Variants in ST6GALNAC3 observed in about 807,000 individuals in gnomAD.
ST6GALNAC3 encodes ST6 N-acetylgalactosaminide alpha-2,6-sialyltransferase 3, also known as alpha-N-acetylgalactosaminide alpha-2,6-sialyltransferase 3.
A neutral mutation model predicts 32.7 loss-of-function variants in ST6GALNAC3; 25 were observed. That is an observed-to-expected ratio of 0.76 (90% CI 0.56 to 1.07). The LOEUF is 1.07. ST6GALNAC3 is among the 50% of genes least tolerant of loss of function. The pLI is 0.00. For missense variants in ST6GALNAC3, 355 were observed against 382.4 expected, an observed-to-expected ratio of 0.93 and a Z score of 0.60; for synonymous variants, 129 against 133.1, an observed-to-expected ratio of 0.97 and a Z score of 0.21.
chr1:76,582,503 A>G (rs439923), intron 3 of ST6GALNAC3, among the ~76,000 whole-genome samples: 12,030 of 152,194 alleles, frequency 0.079, 942 homozygotes, highest in East Asian at 0.23. Context: ...AGGAGGGTAC[A>G]TAGATATCTC....
At chr1:76,141,889 G>A (rs148390054) in intron 1 of ST6GALNAC3, among the ~76,000 whole-genome samples, 3 of 152,234 alleles carry the variant, frequency 2.0e-5, no homozygotes, top group East Asian at 1.9e-4. Context: ...CCCCTGCTTC[G>A]GTTTAGGTTT....
intron 1 of ST6GALNAC3, among the ~76,000 whole-genome samples, chr1:76,188,139 G>A (rs1441438363): frequency 6.6e-6 from 1 of 152,142 alleles, no homozygotes; most frequent in African/African-American, 2.4e-5. Context: ...CGAGGTGGGT[G>A]GATCACGAGG....
At chr1:76,449,309 T>C (rs917570670) in intron 3 of ST6GALNAC3, among the ~76,000 whole-genome samples, 11 of 152,280 alleles carry the variant, frequency 7.2e-5, no homozygotes, top group African/African-American at 2.2e-4. Flanking sequence ...TGACAGTTTA[T>C]TTATCCATCC....
chr1:76,214,383 C>G (rs1300918027), intron 1 of ST6GALNAC3, among the ~76,000 whole-genome samples: 1 of 151,970 alleles, frequency 6.6e-6, no homozygotes, highest in African/African-American at 2.4e-5. Context: ...TTCTCATATA[C>G]TCAAAGCAAC....
chr1:76,410,789 G>A (rs912443414), intron 2 of ST6GALNAC3, among the ~76,000 whole-genome samples: 9 of 152,044 alleles, frequency 5.9e-5, no homozygotes, highest in Admixed American at 2.6e-4. Context: ...TAATTCAATT[G>A]CTTTCACTTC....
chr1:76,372,951 T>A (rs1295102271), intron 2 of ST6GALNAC3, among the ~76,000 whole-genome samples: 2 of 152,206 alleles, frequency 1.3e-5, no homozygotes, highest in African/African-American at 4.8e-5. Context: ...AATATTTTTT[T>A]TAATTTTATT....
At chr1:76,362,433 C>CA (rs1219629233) in intron 2 of ST6GALNAC3, among the ~76,000 whole-genome samples, 1 of 152,102 alleles carries the variant, frequency 6.6e-6, no homozygotes, top group Non-Finnish European at 1.5e-5. Context: ...GTCCTTTTCA[C>CA]ATTGAAAAAT....
intron 2 of ST6GALNAC3, among the ~76,000 whole-genome samples, chr1:76,394,576 C>T (rs996802728): frequency 4.6e-5 from 7 of 151,950 alleles, no homozygotes; most frequent in Non-Finnish European, 7.4e-5. Context: ...TATTTAGTCC[C>T]AGGTTTTGAG....
chr1:76,209,619 C>A (rs1278802541), intron 1 of ST6GALNAC3, among the ~76,000 whole-genome samples: 1 of 152,216 alleles, frequency 6.6e-6, no homozygotes, highest in Non-Finnish European at 1.5e-5. Context: ...GATTAGCTTA[C>A]TCGACGGGAA....
chr1:76,574,053 T>C (rs908399650), intron 3 of ST6GALNAC3, among the ~76,000 whole-genome samples: 1 of 152,096 alleles, frequency 6.6e-6, no homozygotes, highest in Non-Finnish European at 1.5e-5. Context: ...CAATAAATAA[T>C]GCAAAATGCC....
chr1:76,594,996 A>G (rs967306952), intron 3 of ST6GALNAC3, among the ~76,000 whole-genome samples: 5 of 152,218 alleles, frequency 3.3e-5, no homozygotes, highest in African/African-American at 1.2e-4. Flanking sequence ...CCAAAGTTCA[A>G]ATTTCATTGA....
At chr1:76,189,187 T>C (rs562927985) in intron 1 of ST6GALNAC3, among the ~76,000 whole-genome samples, 18 of 152,340 alleles carry the variant, frequency 1.2e-4, no homozygotes, top group African/African-American at 4.3e-4. Flanking sequence ...CAGGGCTGTA[T>C]GGTCTCACAG....
chr1:76,443,834 T>TGA (rs1018675254), intron 3 of ST6GALNAC3, among the ~76,000 whole-genome samples: 1 of 152,254 alleles, frequency 6.6e-6, no homozygotes, highest in Non-Finnish European at 1.5e-5. Context: ...AGTTCCCACC[T>TGA]GAGAGAGATG....
At chr1:76,269,604 G>A (rs1658722885) in intron 1 of ST6GALNAC3, among the ~76,000 whole-genome samples, 1 of 152,204 alleles carries the variant, frequency 6.6e-6, no homozygotes, top group Non-Finnish European at 1.5e-5. Context: ...CCACCGGTTT[G>A]CACAACCTGC....
chr1:76,415,703 G>C lies in ST6GALNAC3; in HGVS notation c.623+3286G>C, dbSNP rs938739813. 3.3e-5 allele frequency among the ~76,000 whole-genome samples: 5 copies of C among 152,152 alleles called. No homozygotes were observed. In the South Asian group the frequency reaches 8.3e-4, roughly 25 times the overall value. On this transcript the variant is annotated intron_variant, in intron 3 of 4. Transcript: ENST00000328299. Reference sequence around the variant, plus strand: ...CTTTTTTTGTACATATTCCGAGGCAGACCTGGATTCAGACATTTCTGCAAA... The same window carrying C: ...CTTTTTTTGTACATATTCCGAGGCACACCTGGATTCAGACATTTCTGCAAA...
chr1:76,291,656 TTAGTG>T (rs1660101221), intron 1 of ST6GALNAC3, among the ~76,000 whole-genome samples: 1 of 152,196 alleles, frequency 6.6e-6, no homozygotes, highest in Non-Finnish European at 1.5e-5. Flanking sequence ...CTGGGATTGG[TTAGTG>T]TAGAGAAAAG....
At chr1:76,106,226 T>C (rs1201248359) in intron 1 of ST6GALNAC3, among the ~76,000 whole-genome samples, 1 of 151,394 alleles carries the variant, frequency 6.6e-6, no homozygotes, top group African/African-American at 2.5e-5. Context: ...AAATTTTTTC[T>C]TTTAATTAGT....
chr1:76,408,583 G>A (rs879535641), intron 2 of ST6GALNAC3, among the ~76,000 whole-genome samples: 2 of 152,170 alleles, frequency 1.3e-5, no homozygotes, highest in South Asian at 2.1e-4. Context: ...GAAACAGATT[G>A]TGATGTCTTA....
At chr1:76,321,486 T>G (rs538254254) in intron 2 of ST6GALNAC3, among the ~76,000 whole-genome samples, 1 of 152,300 alleles carries the variant, frequency 6.6e-6, no homozygotes, top group African/African-American at 2.4e-5. Context: ...TTTTTGTCCC[T>G]TGCAACCAAA....
Sources: allele counts gnomAD v4.1 joint callset (sites outside exome capture counted in the v4.1 genomes callset), GRCh38; gene constraint gnomAD v4.1.1; transcripts MANE v1.5; gene names NCBI Gene and HGNC (gene_info 2026-07-23, HGNC 2026-07-21).